MTUS2: variants seen among roughly 807,000 people sequenced by gnomAD.
MTUS2 encodes microtubule associated scaffold protein 2, also known as microtubule-associated tumor suppressor candidate 2.
MTUS2 carries 40 observed loss-of-function variants against 114.1 expected under a neutral mutation model. That is an observed-to-expected ratio of 0.35 (90% CI 0.27 to 0.46). The LOEUF (loss-of-function observed/expected upper bound fraction) is 0.46. Among genes scored for constraint, MTUS2 ranks in the 20% least tolerant of loss-of-function variants. The probability of loss-of-function intolerance (pLI) is 1.00; values close to 1 mark genes in which losing one functional copy is unlikely to be tolerated. For missense variants in MTUS2, 1,679 were observed against 1,705.4 expected (o/e 0.98, Z 0.27); for synonymous variants, 688 against 672.0 (o/e 1.02, Z -0.37).
intron 5 of MTUS2, among the ~76,000 whole-genome samples, chr13:29,203,980 C>G (rs1895074843): frequency 6.7e-6 from 1 of 150,194 alleles, no homozygotes; most frequent in Non-Finnish European, 1.5e-5. Flanking sequence ...TTTTGTCTGA[C>G]ACGGGGTCTC....
intron 4 of MTUS2, among the ~76,000 whole-genome samples, chr13:29,063,741 T>C (rs1718763933): frequency 1.3e-5 from 2 of 152,206 alleles, no homozygotes; most frequent in African/African-American, 4.8e-5. Context: ...GTTAGAAATT[T>C]ATCAAAGTGT....
At chr13:29,344,123 C>T (rs1868425139) in intron 7 of MTUS2, among the ~76,000 whole-genome samples, 1 of 152,000 alleles carries the variant, frequency 6.6e-6, no homozygotes. Context: ...GTACATTCTG[C>T]AGTTGTTGGG....
intron 6 of MTUS2, among the ~76,000 whole-genome samples, chr13:29,311,260 G>C (rs553004619): frequency 6.6e-6 from 1 of 152,136 alleles, no homozygotes; most frequent in Non-Finnish European, 1.5e-5. Flanking sequence ...TTGTTTCCTC[G>C]AATGGAAAGG....
At chr13:29,234,750 T>C (rs575794263) in intron 5 of MTUS2, among the ~76,000 whole-genome samples, 9 of 152,272 alleles carry the variant, frequency 5.9e-5, no homozygotes, top group Admixed American at 1.3e-4. Flanking sequence ...CCCTTAACGC[T>C]TCCTCTTCTA....
At chr13:29,036,328 T>C (rs1425280328) in intron 4 of MTUS2, among the ~76,000 whole-genome samples, 1 of 152,130 alleles carries the variant, frequency 6.6e-6, no homozygotes, top group Non-Finnish European at 1.5e-5. Flanking sequence ...GAAGAAACAG[T>C]TGGCACTTTT....
intron 2 of MTUS2, among the ~76,000 whole-genome samples, chr13:28,931,436 T>C (rs760117635): frequency 6.6e-6 from 1 of 152,118 alleles, no homozygotes; most frequent in African/African-American, 2.4e-5. Flanking sequence ...TCACAAGATA[T>C]GATGTTTTTA....
rs765834810 is a variant in MTUS2, at chr13:29,025,200, G to A, written c.502G>A (p.Asp168Asn). Residue 168 changes from aspartate (D) to asparagine (N), a missense_variant, in exon 3 of 16, where the codon GAC becomes AAC. Coordinates refer to ENST00000612955, the MANE Select transcript of MTUS2 (RefSeq NM_001033602.4). ...VPKDKLAKTL[D>N]NEELRRHSLE... ...CAAGGATAAACTGGCAAAGACCCTT[G>A]ACAATGAGGAACTGAGGAGGCATTC... is the stretch of plus-strand genomic sequence containing the variant. The A allele has an allele frequency of 1.9e-6, 3 of 1,613,948 alleles. No individual in the cohort carries two copies. The highest frequency in any genetic ancestry group is 2.2e-5 in the South Asian group (2 of 91,084).
At chr13:29,495,516 T>C (rs979163813) in intron 12 of MTUS2, among the ~76,000 whole-genome samples, 2 of 152,126 alleles carry the variant, frequency 1.3e-5, no homozygotes, top group East Asian at 1.9e-4. Flanking sequence ...TGTGCACTTA[T>C]TAGCATTCAC....
chr13:29,485,279 T>C (rs776298203), intron 10 of MTUS2: 28 of 152,692 alleles, frequency 1.8e-4, no homozygotes, highest in African/African-American at 6.3e-4. Flanking sequence ...GGAATTCTTA[T>C]TGGCTGCTTC....
chr13:28,966,724 C>CAAA lies in MTUS2; in HGVS notation c.-242-57711_-242-57709dup, dbSNP rs10597818. Among the ~76,000 whole-genome samples, 685 of 82,136 alleles carry CAAA rather than the reference C, an allele frequency of 8.3e-3. 16 individuals carry two copies. The highest frequency in any genetic ancestry group is 0.024 in the African/African-American group (484 of 20,418). The allele number at this position is 82,136 out of a possible 152,430, so 53.9% of individuals were successfully genotyped here. On this transcript the variant is annotated intron_variant, in intron 2 of 15. Coordinates refer to ENST00000612955, the MANE Select transcript of MTUS2 (RefSeq NM_001033602.4). ...TGGGAGACAAAGTAAGACCCTGTCT[C>CAAA]AAAAAAAAAAAAAAAAAAAAAAAAC...
At chr13:29,029,191 C>G (rs1026235600) in intron 3 of MTUS2, among the ~76,000 whole-genome samples, 5 of 152,138 alleles carry the variant, frequency 3.3e-5, no homozygotes, top group African/African-American at 1.2e-4. Context: ...AACGGACTTC[C>G]TACCTCACAT....
intron 8 of MTUS2, among the ~76,000 whole-genome samples, chr13:29,394,685 C>T (rs536908215): frequency 5.1e-4 from 78 of 152,352 alleles, no homozygotes; most frequent in African/African-American, 1.8e-3. Context: ...CATCCTGGTT[C>T]TGTGGCCTGT....
chr13:29,421,490 A>G (rs1201961873), intron 8 of MTUS2, among the ~76,000 whole-genome samples: 1 of 152,210 alleles, frequency 6.6e-6, no homozygotes, highest in Non-Finnish European at 1.5e-5. Flanking sequence ...CAAGGTTCAC[A>G]AACTGCATAG....
rs558432263 is a variant in MTUS2, at chr13:29,449,451, C to T, written c.3184+9402C>T. ...TATAATCTCTTATAGTTACACAGTGCTTAGTACCTCCAAGCTCTTCCATAT... is the reference window on the plus strand; with the variant it reads ...TATAATCTCTTATAGTTACACAGTGTTTAGTACCTCCAAGCTCTTCCATAT... On this transcript the variant is annotated intron_variant, in intron 9 of 15. Transcript: ENST00000612955. 3.9e-5 allele frequency among the ~76,000 whole-genome samples: 6 copies of T among 152,252 alleles called. No individual in the cohort carries two copies. In the East Asian group the frequency reaches 1.2e-3, roughly 29 times the overall value.
At chr13:29,471,260 T>C (rs147222090) in intron 9 of MTUS2, among the ~76,000 whole-genome samples, 65 of 152,028 alleles carry the variant, frequency 4.3e-4, no homozygotes, top group Admixed American at 2.0e-3. Context: ...GGAGAATCGC[T>C]TGAACCCAGA....
At position 28,963,875 on chromosome 13, in the gene MTUS2, G is replaced by T. The variant is rs900084331; in HGVS notation, c.-242-60582G>T. On this transcript the variant is annotated intron_variant, in intron 2 of 15. Transcript: ENST00000612955. The stretch of plus-strand genomic sequence containing the variant: ...TGGCATTCACCCTCCTTCTTGAAAT[G>T]CTCTTTCCCATCTCTTGCCACTCCT... 2.0e-5 allele frequency among the ~76,000 whole-genome samples: 3 copies of T among 152,054 alleles called. No individual in the cohort carries two copies. The East Asian group carries it at 5.8e-4, about 29-fold the overall frequency.
At chr13:29,454,239 G>T (rs984086541) in intron 9 of MTUS2, among the ~76,000 whole-genome samples, 5 of 152,184 alleles carry the variant, frequency 3.3e-5, no homozygotes, top group African/African-American at 9.7e-5. Flanking sequence ...CTTCAATACA[G>T]CTGTTTTCTT....
intron 5 of MTUS2, among the ~76,000 whole-genome samples, chr13:29,172,591 A>G (rs1344748147): frequency 6.6e-6 from 1 of 152,232 alleles, no homozygotes; most frequent in African/African-American, 2.4e-5. Context: ...AATTAGCATT[A>G]TAATTTATTA....
chr13:29,371,584 A>T (rs1871195574), intron 8 of MTUS2, among the ~76,000 whole-genome samples: 1 of 152,200 alleles, frequency 6.6e-6, no homozygotes, highest in South Asian at 2.1e-4. Context: ...GGTTGCCTTG[A>T]TCAAATAATA....
Sources: allele counts gnomAD v4.1 joint callset (sites outside exome capture counted in the v4.1 genomes callset), GRCh38; gene constraint gnomAD v4.1.1; transcripts MANE v1.5; gene names NCBI Gene and HGNC (gene_info 2026-07-23, HGNC 2026-07-21).